Variants in OCA2 observed in about 807,000 individuals in gnomAD.
The protein encoded by OCA2 is OCA2 melanosomal transmembrane protein.
In OCA2, 77 loss-of-function variants were observed where a neutral mutation model predicts 100.2. The observed-to-expected ratio is 0.77, with a 90% CI of 0.64 to 0.93. OCA2 has a LOEUF of 0.93. Among genes scored for constraint, OCA2 ranks in the 40% least tolerant of loss-of-function variants. The pLI, the probability that OCA2 is intolerant of heterozygous loss-of-function variation, is 0.00. For synonymous variants in OCA2, 432 were observed against 439.2 expected (o/e 0.98, Z 0.21); for missense variants, 1,062 against 1,089.1 (o/e 0.98, Z 0.35).
At chr15:27,759,835 C>T (rs1334128418) in intron 23 of OCA2, among the ~76,000 whole-genome samples, 1 of 152,102 alleles carries the variant, frequency 6.6e-6, no homozygotes, top group East Asian at 1.9e-4. Context: ...GAGAACTCAA[C>T]AATATCTTCC....
At chr15:27,913,144 A>C (rs994034493) in intron 19 of OCA2, among the ~76,000 whole-genome samples, 1 of 152,224 alleles carries the variant, frequency 6.6e-6, no homozygotes, top group Admixed American at 6.5e-5. Context: ...ACAGAAAAAA[A>C]GTCATTAGGA....
intron 14 of OCA2, among the ~76,000 whole-genome samples, chr15:27,972,228 TTTTC>T (rs2040815277): frequency 2.0e-5 from 3 of 152,180 alleles, no homozygotes; most frequent in Admixed American, 6.5e-5. Context: ...CTCTCTCAAA[TTTTC>T]TTTATCCACT....
intron 1 of OCA2, among the ~76,000 whole-genome samples, chr15:28,085,663 A>G (rs1284130545): frequency 1.2e-5 from 1 of 81,250 alleles, no homozygotes; most frequent in Admixed American, 1.7e-4. Flanking sequence ...ACCCCCGCCC[A>G]GACTGCACTG....
At chr15:27,889,528 C>T (rs115211462) in intron 19 of OCA2, among the ~76,000 whole-genome samples, 12 of 152,322 alleles carry the variant, frequency 7.9e-5, no homozygotes, top group African/African-American at 2.6e-4. Context: ...ACCTGGCCTG[C>T]CTGGAGCTGG....
At chr15:27,873,891 T>C (rs932837658) in intron 19 of OCA2, among the ~76,000 whole-genome samples, 1 of 152,338 alleles carries the variant, frequency 6.6e-6, no homozygotes, top group South Asian at 2.1e-4. Context: ...ATAATGTGTA[T>C]TTTACAGTAT....
chr15:28,014,664 T>C, intron 9 of OCA2, 112 bp downstream of exon 9: 9 of 1,133,236 alleles, frequency 7.9e-6, no homozygotes, highest in Non-Finnish European at 1.2e-5. Flanking sequence ...ATGATGACAC[T>C]AGTCCAGTTT....
intron 23 of OCA2, among the ~76,000 whole-genome samples, chr15:27,763,556 G>C (rs377202347): frequency 2.0e-5 from 3 of 152,198 alleles, no homozygotes; most frequent in African/African-American, 7.2e-5. Context: ...CACATCACTA[G>C]CCATTAGGGA....
chr15:27,937,771 T>C (rs1179280370), intron 18 of OCA2, among the ~76,000 whole-genome samples: 1 of 152,262 alleles, frequency 6.6e-6, no homozygotes, highest in Non-Finnish European at 1.5e-5. Flanking sequence ...TGTCTTTTCT[T>C]ATTGCTCTAT....
At chr15:28,093,164 C>G (rs1020800135) in intron 1 of OCA2, among the ~76,000 whole-genome samples, 1 of 152,098 alleles carries the variant, frequency 6.6e-6, no homozygotes, top group South Asian at 2.1e-4. Context: ...ACAGGCCAGG[C>G]GCAGTGGCTC....
chr15:28,063,956 C>T (rs2043951453), intron 2 of OCA2, among the ~76,000 whole-genome samples: 1 of 152,120 alleles, frequency 6.6e-6, no homozygotes, highest in Non-Finnish European at 1.5e-5. Flanking sequence ...GAAAAACTCC[C>T]TTTAACAATT....
chr15:27,870,427 C>T lies in OCA2; in HGVS notation c.2244+727G>A, dbSNP rs560174068. Among the ~76,000 whole-genome samples the T allele has an allele frequency of 5.3e-5, 8 of 152,284 alleles. No individual in the cohort carries two copies. The East Asian group carries it at 1.2e-3, about 22-fold the overall frequency. On this transcript the variant is annotated intron_variant, in intron 21 of 23. Coordinates refer to ENST00000354638, the MANE Select transcript of OCA2 (RefSeq NM_000275.3). Reference sequence around the variant, plus strand: ...CTTTGCCACACCTGGATTCCCAGTTCCTGCCCTGAGCCAAGCAATCAGTGA... The same window carrying T: ...CTTTGCCACACCTGGATTCCCAGTTTCTGCCCTGAGCCAAGCAATCAGTGA...
At chr15:27,935,360 A>G (rs1402436385) in intron 18 of OCA2, among the ~76,000 whole-genome samples, 1 of 152,144 alleles carries the variant, frequency 6.6e-6, no homozygotes, top group East Asian at 1.9e-4. Flanking sequence ...GTGGCTCTGT[A>G]CTTTCATTTG....
intron 18 of OCA2, among the ~76,000 whole-genome samples, chr15:27,946,865 T>G (rs2140550169): frequency 6.6e-6 from 1 of 152,294 alleles, no homozygotes; most frequent in Non-Finnish European, 1.5e-5. Context: ...GTGTGAAAAC[T>G]GGCCATGAAG....
At chr15:28,095,370 C>T (rs1055872276) in intron 1 of OCA2, among the ~76,000 whole-genome samples, 3 of 152,238 alleles carry the variant, frequency 2.0e-5, no homozygotes, top group Non-Finnish European at 4.4e-5. Context: ...CGCACGCCGA[C>T]TTCACAGTGG....
At chr15:27,971,338 T>G (rs1048719521) in intron 14 of OCA2, among the ~76,000 whole-genome samples, 3 of 152,060 alleles carry the variant, frequency 2.0e-5, no homozygotes, top group African/African-American at 7.2e-5. Context: ...TCAAGAGACT[T>G]TTCAGGTATT....
At position 27,990,744 on chromosome 15, in the gene OCA2, T is replaced by C. The variant is rs1595777099; in HGVS notation, c.1045-97A>G. Reference sequence around the variant, plus strand: ...ACATGAGGGGGTCTATATCTGCCACTGTGTACCACATCTATTCAAATGATA... The same window carrying C: ...ACATGAGGGGGTCTATATCTGCCACCGTGTACCACATCTATTCAAATGATA... On this transcript the variant is annotated intron_variant, in intron 9 of 23. Transcript: ENST00000354638. 8 of 986,218 alleles carry C rather than the reference T, an allele frequency of 8.1e-6. No homozygotes were observed. In the East Asian group the frequency reaches 1.7e-4, roughly 20 times the overall value. 61.1% of individuals were successfully genotyped at this position (986,218 alleles called of 1,614,324 possible). A position where few individuals can be genotyped will look rare whatever the true frequency, so the allele number is the denominator to read the frequency against.
intron 1 of OCA2, among the ~76,000 whole-genome samples, chr15:28,098,715 T>C (rs1212394308): frequency 6.6e-6 from 1 of 152,212 alleles, no homozygotes; most frequent in Non-Finnish European, 1.5e-5. Flanking sequence ...CTTCCTGTGC[T>C]TAACATTGTG....
intron 19 of OCA2, among the ~76,000 whole-genome samples, chr15:27,903,523 TG>T (rs2038048178): frequency 6.6e-6 from 1 of 152,226 alleles, no homozygotes. Context: ...AGTCTTGCTC[TG>T]TTGCCCCGGA....
rs543242126 is a variant in OCA2 at position 27,897,083 on chromosome 15, G to A, written c.2080-25161C>T. On this transcript the variant is annotated intron_variant, in intron 19 of 23. Transcript: ENST00000354638. ...TGGGTGCCTGTAGTCCTAGCTACTCGGGAGGCTGAGACAGGAGAATGCAGT... is the reference window on the plus strand; with the variant it reads ...TGGGTGCCTGTAGTCCTAGCTACTCAGGAGGCTGAGACAGGAGAATGCAGT... 1.6e-3 allele frequency among the ~76,000 whole-genome samples: 239 copies of A among 152,020 alleles called. 1 individual carries two copies. The highest frequency in any genetic ancestry group is 2.6e-3 in the Non-Finnish European group (179 of 67,958).
Sources: allele counts gnomAD v4.1 joint callset (sites outside exome capture counted in the v4.1 genomes callset), GRCh38; gene constraint gnomAD v4.1.1; transcripts MANE v1.5; gene names NCBI Gene and HGNC (gene_info 2026-07-23, HGNC 2026-07-21).